Variants in DIAPH2 observed in about 807,000 individuals in gnomAD.
DIAPH2 encodes protein diaphanous homolog 2.
A neutral mutation model predicts 92.7 loss-of-function variants in DIAPH2; 35 were observed. The observed-to-expected ratio is 0.38, with a 90% CI of 0.29 to 0.50. The LOEUF is 0.50. Ranked by LOEUF, DIAPH2 falls within the 20% of genes least tolerant of loss-of-function variation. The pLI is 0.94. For synonymous variants in DIAPH2, 301 were observed against 280.4 expected, an observed-to-expected ratio of 1.07 and a Z score of -0.73; for missense variants, 701 against 819.5, an observed-to-expected ratio of 0.86 and a Z score of 1.77.
At chrX:97,271,813 G>GCACACACACACA (rs780653047) in intron 23 of DIAPH2, among the ~76,000 whole-genome samples, 44 of 91,557 alleles carry the variant, frequency 4.8e-4, no homozygotes, top group African/African-American at 1.6e-3. Flanking sequence ...ATATATATAT[G>GCACACACACACA]CACACACACA....
intron 26 of DIAPH2, among the ~76,000 whole-genome samples, chrX:97,490,447 G>T (rs2070718122): frequency 9.2e-6 from 1 of 108,330 alleles, no homozygotes; most frequent in Non-Finnish European, 1.9e-5. Flanking sequence ...GCTAATGTTG[G>T]GCTTCTCCTA....
intron 25 of DIAPH2, among the ~76,000 whole-genome samples, chrX:97,386,177 GA>G (rs1482551469): frequency 1.8e-5 from 2 of 111,334 alleles, no homozygotes; most frequent in African/African-American, 6.5e-5. Context: ...TTTAACAGAA[GA>G]AAAAAAGTAA....
rs2069574523 is a variant in DIAPH2 at position 97,383,923 on chromosome X, A to G, written c.3024A>G (p.Glu1008=). Residue 1008 remains glutamate (E), a synonymous_variant, in exon 25 of 27, where the codon GAA becomes GAG. Coordinates refer to ENST00000324765, the MANE Select transcript of DIAPH2 (RefSeq NM_006729.5). Reference sequence around the variant, plus strand: ...TATATGTATAGGAAGCAGTGAGAGAAAACAATAAGAGAAGAGAAATGGAAG... The same window carrying G: ...TATATGTATAGGAAGCAGTGAGAGAGAACAATAAGAGAAGAGAAATGGAAG... ...FRTLFLEAVR[E]NNKRREMEEK... 8.4e-7 allele frequency: 1 copy of G among 1,195,758 alleles called. No homozygotes were observed. The highest frequency in any genetic ancestry group is 2.3e-5 in the Admixed American group (1 of 43,245).
chrX:97,360,729 C>G (rs1008593292), intron 24 of DIAPH2, among the ~76,000 whole-genome samples: 2 of 112,068 alleles, frequency 1.8e-5, no homozygotes, highest in Non-Finnish European at 3.8e-5. Flanking sequence ...TGGTGTTCCC[C>G]AAAAACTTGA....
chrX:97,156,006 C>T (rs539648734), intron 22 of DIAPH2, among the ~76,000 whole-genome samples: 1 of 112,164 alleles, frequency 8.9e-6, no homozygotes, highest in East Asian at 2.8e-4. Context: ...ATTGGTGTTA[C>T]ATCTTTCAAG....
intron 22 of DIAPH2, among the ~76,000 whole-genome samples, chrX:97,242,864 A>G (rs761802289): frequency 1.6e-4 from 18 of 109,202 alleles, no homozygotes; most frequent in Non-Finnish European, 2.9e-4. Flanking sequence ...TCAGCTCACT[A>G]CAAGCTCCGC....
At chrX:97,244,904 C>T (rs1470207382) in intron 22 of DIAPH2, among the ~76,000 whole-genome samples, 2 of 110,999 alleles carry the variant, frequency 1.8e-5, no homozygotes, top group East Asian at 2.8e-4. Flanking sequence ...TCCTGACCAA[C>T]ATGGTGAAAC....
intron 3 of DIAPH2, among the ~76,000 whole-genome samples, chrX:96,751,942 C>T (rs1159924809): frequency 2.0e-5 from 2 of 98,809 alleles, no homozygotes; most frequent in African/African-American, 3.4e-5. Flanking sequence ...CGTGAGCCAC[C>T]GCGCCCGGCC....
chrX:96,724,109 A>G (rs1173797442), intron 1 of DIAPH2, among the ~76,000 whole-genome samples: 1 of 109,348 alleles, frequency 9.1e-6, no homozygotes, highest in Non-Finnish European at 1.9e-5. Flanking sequence ...TATTTTTAGC[A>G]GAGACGGGGT....
chrX:97,529,821 G>A (rs2071047873), intron 26 of DIAPH2, among the ~76,000 whole-genome samples: 1 of 111,054 alleles, frequency 9.0e-6, no homozygotes, highest in African/African-American at 3.3e-5. Context: ...AGAGAGTACT[G>A]GGAAAAAAAA....
chrX:97,177,097 G>C (rs937309892), intron 22 of DIAPH2, among the ~76,000 whole-genome samples: 1 of 110,833 alleles, frequency 9.0e-6, no homozygotes, highest in Non-Finnish European at 1.9e-5. Flanking sequence ...TTTTTGATTC[G>C]TGGTTGGTTG....
intron 1 of DIAPH2, among the ~76,000 whole-genome samples, chrX:96,706,238 C>G (rs2063884932): frequency 8.9e-6 from 1 of 112,051 alleles, no homozygotes; most frequent in African/African-American, 3.2e-5. Flanking sequence ...CACCCTCCTG[C>G]ATTTCACCTG....
At chrX:97,116,316 G>A (rs987930961) in intron 21 of DIAPH2, among the ~76,000 whole-genome samples, 2 of 112,036 alleles carry the variant, frequency 1.8e-5, no homozygotes, top group Middle Eastern at 4.6e-3. Flanking sequence ...AGGGCTGTAA[G>A]GAAAGAGAAC....
intron 25 of DIAPH2, among the ~76,000 whole-genome samples, chrX:97,420,658 T>C (rs189093771): frequency 9.0e-6 from 1 of 111,722 alleles, no homozygotes; most frequent in East Asian, 2.8e-4. Flanking sequence ...ATTTTCTTTT[T>C]AGTGGATACC....
intron 4 of DIAPH2, among the ~76,000 whole-genome samples, chrX:96,854,230 C>T (rs1456774569): frequency 1.8e-5 from 2 of 109,917 alleles, no homozygotes; most frequent in African/African-American, 6.6e-5. Flanking sequence ...GAGAAACTAA[C>T]AAAAATCCAA....
intron 25 of DIAPH2, among the ~76,000 whole-genome samples, chrX:97,386,074 T>G (rs1422237504): frequency 8.9e-6 from 1 of 112,424 alleles, no homozygotes; most frequent in Non-Finnish European, 1.9e-5. Flanking sequence ...ATATCCGTAC[T>G]GTTAAGTTTA....
intron 24 of DIAPH2, among the ~76,000 whole-genome samples, chrX:97,361,380 A>G (rs2069323945): frequency 1.8e-5 from 2 of 112,031 alleles, no homozygotes; most frequent in South Asian, 3.7e-4. Flanking sequence ...AATTATTACT[A>G]TAAGTGCTTG....
At chrX:97,187,281 C>CTTTTTTT (rs763781923) in intron 22 of DIAPH2, among the ~76,000 whole-genome samples, 12,043 of 36,521 alleles carry the variant, frequency 0.33, 4,672 homozygotes, top group Non-Finnish European at 0.44. Context: ...ATTAAGTAGC[C>CTTTTTTT]TTTTTTTTTT....
intron 3 of DIAPH2, among the ~76,000 whole-genome samples, chrX:96,747,251 C>T (rs2064156468): frequency 9.0e-6 from 1 of 111,636 alleles, no homozygotes; most frequent in Admixed American, 9.5e-5. Flanking sequence ...TTTCTATTAG[C>T]AGCACAAGGA....
Sources: gnomAD v4.1 joint callset for allele counts (sites outside exome capture counted in the v4.1 genomes callset) on GRCh38, gnomAD v4.1.1 for gene constraint, MANE v1.5 for transcripts, NCBI Gene and HGNC (gene_info 2026-07-23, HGNC 2026-07-21) for gene names.